TAFA1: variants seen among roughly 807,000 people sequenced by gnomAD.
TAFA1 encodes the protein TAFA chemokine like family member 1, also known as chemokine-like protein TAFA-1.
Under a neutral mutation model 18.5 loss-of-function variants are expected in TAFA1, and 4 were observed. The ratio of observed to expected loss-of-function variants is 0.22; its 90% CI spans 0.11 to 0.49. The LOEUF is 0.49. TAFA1 is among the 20% of genes least tolerant of loss of function. The pLI is 0.98. For synonymous variants in TAFA1, 56 were observed against 55.2 expected, an observed-to-expected ratio of 1.01 and a Z score of -0.06; for missense variants, 147 against 169.0, an observed-to-expected ratio of 0.87 and a Z score of 0.72.
chr3:68,305,599 T>C (rs2068403188), intron 2 of TAFA1, among the ~76,000 whole-genome samples: 1 of 151,448 alleles, frequency 6.6e-6, no homozygotes, highest in Non-Finnish European at 1.5e-5. Flanking sequence ...CTGGGAATTA[T>C]AGGGATACAC....
intron 2 of TAFA1, among the ~76,000 whole-genome samples, chr3:68,398,604 C>T (rs1331779936): frequency 6.6e-6 from 1 of 152,118 alleles, no homozygotes; most frequent in African/African-American, 2.4e-5. Context: ...CCATGTCAAT[C>T]TCATTAACCT....
At chr3:68,018,423 C>A (rs1704612022) in intron 2 of TAFA1, among the ~76,000 whole-genome samples, 2 of 152,216 alleles carry the variant, frequency 1.3e-5, no homozygotes, top group South Asian at 4.1e-4. Flanking sequence ...AGCTGCATAA[C>A]TCTAACTCAA....
intron 2 of TAFA1, among the ~76,000 whole-genome samples, chr3:68,129,078 T>G (rs575132819): frequency 6.6e-6 from 1 of 152,306 alleles, no homozygotes; most frequent in Admixed American, 6.5e-5. Flanking sequence ...AGTACTTGAC[T>G]GGTGTTGTCC....
At chr3:68,214,886 C>T (rs1422096073) in intron 2 of TAFA1, among the ~76,000 whole-genome samples, 1 of 151,946 alleles carries the variant, frequency 6.6e-6, no homozygotes, top group Non-Finnish European at 1.5e-5. Context: ...AGAGACCCCA[C>T]TGAGTGAGTG....
At chr3:68,303,081 C>A (rs2068335017) in intron 2 of TAFA1, among the ~76,000 whole-genome samples, 1 of 152,028 alleles carries the variant, frequency 6.6e-6, no homozygotes, top group African/African-American at 2.4e-5. Flanking sequence ...AAAAAATGCT[C>A]AATAAATATG....
intron 3 of TAFA1, among the ~76,000 whole-genome samples, chr3:68,529,099 G>C (rs2073149367): frequency 6.6e-6 from 1 of 151,636 alleles, no homozygotes; most frequent in Non-Finnish European, 1.5e-5. Flanking sequence ...TCAAAGATTA[G>C]TATAGTATTA....
At chr3:68,464,392 C>T (rs1019708418) in intron 3 of TAFA1, among the ~76,000 whole-genome samples, 4 of 152,130 alleles carry the variant, frequency 2.6e-5, no homozygotes, top group Non-Finnish European at 4.4e-5. Context: ...GATTGAATGG[C>T]CAGAGAAGGT....
chr3:68,277,752 T>C (rs2067822330), intron 2 of TAFA1, among the ~76,000 whole-genome samples: 1 of 152,180 alleles, frequency 6.6e-6, no homozygotes, highest in Admixed American at 6.6e-5. Context: ...GACTTCTAGA[T>C]TCTTGTCTAA....
At chr3:68,409,518 T>C (rs2070673201) in intron 2 of TAFA1, among the ~76,000 whole-genome samples, 1 of 152,176 alleles carries the variant, frequency 6.6e-6, no homozygotes, top group Admixed American at 6.6e-5. Context: ...AAGAAGGTAC[T>C]TGCTTTCTCT....
At chr3:68,007,689 C>T (rs1704387092) in intron 2 of TAFA1, among the ~76,000 whole-genome samples, 1 of 149,948 alleles carries the variant, frequency 6.7e-6, no homozygotes. Context: ...TTCTGATGCT[C>T]AGTTCTGAAG....
At chr3:68,194,617 T>A (rs897383439) in intron 2 of TAFA1, among the ~76,000 whole-genome samples, 1 of 151,776 alleles carries the variant, frequency 6.6e-6, no homozygotes, top group African/African-American at 2.4e-5. Flanking sequence ...TAAGAAATAA[T>A]GTACCTTCAG....
At chr3:68,057,844 T>A (rs527737874) in intron 2 of TAFA1, among the ~76,000 whole-genome samples, 2 of 152,272 alleles carry the variant, frequency 1.3e-5, no homozygotes, top group East Asian at 3.9e-4. Flanking sequence ...GAAGTGGTCA[T>A]GAACCAAGTG....
intron 2 of TAFA1, among the ~76,000 whole-genome samples, chr3:68,048,217 G>A (rs1389836971): frequency 2.0e-5 from 3 of 152,068 alleles, no homozygotes; most frequent in Non-Finnish European, 4.4e-5. Flanking sequence ...TTATAAGAAT[G>A]TATTGGGGAA....
intron 2 of TAFA1, among the ~76,000 whole-genome samples, chr3:68,286,044 C>G (rs1204523820): frequency 6.6e-6 from 1 of 151,910 alleles, no homozygotes; most frequent in Non-Finnish European, 1.5e-5. Flanking sequence ...AATCCCGTCT[C>G]TACTAAAAAT....
intron 2 of TAFA1, among the ~76,000 whole-genome samples, chr3:68,203,828 G>T (rs1294976273): frequency 6.6e-6 from 1 of 151,548 alleles, no homozygotes; most frequent in African/African-American, 2.4e-5. Context: ...ATAGTGTTCT[G>T]GTATATTTCA....
At chr3:68,365,991 A>T (rs1384373393) in intron 2 of TAFA1, among the ~76,000 whole-genome samples, 1 of 150,584 alleles carries the variant, frequency 6.6e-6, no homozygotes, top group East Asian at 2.0e-4. Context: ...AGGCTGAGGC[A>T]GGAGAATCAC....
intron 2 of TAFA1, among the ~76,000 whole-genome samples, chr3:68,412,292 C>A (rs910335463): frequency 5.3e-5 from 8 of 151,756 alleles, no homozygotes; most frequent in Non-Finnish European, 1.5e-5. Flanking sequence ...GGGTTCTGGT[C>A]TCAATGCTGT....
intron 2 of TAFA1, among the ~76,000 whole-genome samples, chr3:68,075,956 C>A (rs1454372236): frequency 6.6e-6 from 1 of 152,184 alleles, no homozygotes; most frequent in Non-Finnish European, 1.5e-5. Flanking sequence ...CTCAGTCTCT[C>A]AAAGTGCTGG....
chr3:68,253,977 CAT>C (rs1468786054), intron 2 of TAFA1, among the ~76,000 whole-genome samples: 1 of 152,106 alleles, frequency 6.6e-6, no homozygotes, highest in Non-Finnish European at 1.5e-5. Context: ...AAGCTGCAAA[CAT>C]AATTGGCAAA....
Sources: allele counts gnomAD v4.1 joint callset (sites outside exome capture counted in the v4.1 genomes callset), GRCh38; gene constraint gnomAD v4.1.1; transcripts MANE v1.5; gene names NCBI Gene and HGNC (gene_info 2026-07-23, HGNC 2026-07-21).